Variants in CEP350 observed in about 807,000 individuals in gnomAD.
CEP350 encodes centrosome-associated protein 350.
CEP350 carries 126 observed loss-of-function variants against 331.8 expected under a neutral mutation model. That is an observed-to-expected ratio of 0.38 (90% CI 0.33 to 0.44). The LOEUF (loss-of-function observed/expected upper bound fraction) is 0.44. CEP350 is among the 20% of genes least tolerant of loss of function. The pLI, the probability that CEP350 is intolerant of heterozygous loss-of-function variation, is 1.00. For synonymous variants in CEP350, 1,200 were observed against 1,259.5 expected (o/e 0.95, Z 1.00); for missense variants, 3,406 against 3,634.6 (o/e 0.94, Z 1.62).
chr1:179,986,307 A>G (rs1325594302), intron 2 of CEP350, 53 bp downstream of exon 2: 3 of 1,320,006 alleles, frequency 2.3e-6, no homozygotes, highest in Non-Finnish European at 3.1e-6. Flanking sequence ...GGTCATGTGT[A>G]TTAAATTTTG....
chr1:180,075,549 G>A (rs1160680098), intron 28 of CEP350, among the ~76,000 whole-genome samples: 1 of 151,970 alleles, frequency 6.6e-6, no homozygotes, highest in Non-Finnish European at 1.5e-5. Context: ...CAGCCTGGGT[G>A]ACAGAGTGAG....
At position 179,996,594 on chromosome 1, in the gene CEP350, T is replaced by C; in HGVS notation, c.437T>C (p.Leu146Pro). Residue 146 changes from leucine to proline, a missense_variant, in exon 6 of 38, where the codon CTG (leucine) becomes CCG (proline). Coordinates refer to ENST00000367607, the MANE Select transcript of CEP350 (RefSeq NM_014810.5). ...GAPSNFSSSH[L>P]ESKHVYCVDV... ...CCTTCCAATTTCAGTTCCAGCCATC[T>C]GGAATCAAAGCACGTATACTGTGTA... 1 of 1,591,182 alleles carries C rather than the reference T, an allele frequency of 6.3e-7. No homozygotes were observed. Among genetic ancestry groups the C allele is most frequent in the Non-Finnish European group, 8.6e-7 (1 of 1,167,956 alleles).
chr1:179,975,188 G>C (rs1230799797), intron 1 of CEP350, among the ~76,000 whole-genome samples: 1 of 151,958 alleles, frequency 6.6e-6, no homozygotes, highest in Non-Finnish European at 1.5e-5. Flanking sequence ...AAATTTTCTG[G>C]ATATTCAGAA....
At chr1:180,035,902 A>G (rs1656318593) in intron 16 of CEP350, among the ~76,000 whole-genome samples, 1 of 152,224 alleles carries the variant, frequency 6.6e-6, no homozygotes, top group African/African-American at 2.4e-5. Context: ...TATAGCTGCC[A>G]TAGATAGTGA....
intron 11 of CEP350, 28 bp from the exon 12 acceptor site, chr1:180,019,921 A>G (rs1255350101): frequency 1.3e-6 from 2 of 1,531,000 alleles, no homozygotes; most frequent in Non-Finnish European, 1.7e-6. Context: ...GGTTTAGTTA[A>G]CTAACATATT....
At chr1:180,042,003 A>G (rs904964689) in intron 19 of CEP350, among the ~76,000 whole-genome samples, 4 of 152,168 alleles carry the variant, frequency 2.6e-5, no homozygotes, top group Non-Finnish European at 5.9e-5. Flanking sequence ...ATAGAGGCAG[A>G]AAAAAGATGA....
At chr1:180,009,567 T>C (rs956456155) in intron 8 of CEP350, among the ~76,000 whole-genome samples, 3 of 152,230 alleles carry the variant, frequency 2.0e-5, no homozygotes, top group Non-Finnish European at 4.4e-5. Flanking sequence ...AATGACCGTG[T>C]GTAACTGTTC....
At chr1:180,073,923 T>C in intron 27 of CEP350, 1 of 1,304,422 alleles carries the variant, frequency 7.7e-7, no homozygotes, top group Non-Finnish European at 1.0e-6. Flanking sequence ...CTTTGCACCT[T>C]TTTCAGTGCA....
chr1:179,967,126 G>T lies in CEP350; in HGVS notation c.-14+11984G>T, dbSNP rs190740695. On this transcript the variant is annotated intron_variant, in intron 1 of 37. Coordinates refer to ENST00000367607, the MANE Select transcript of CEP350 (RefSeq NM_014810.5). ...TACAATAGATCATCTCTGAAAATGTGTACAGTTGCTCTATTTTTGTATGAT... is the reference window on the plus strand; with the variant it reads ...TACAATAGATCATCTCTGAAAATGTTTACAGTTGCTCTATTTTTGTATGAT... 4.3e-4 allele frequency among the ~76,000 whole-genome samples: 66 copies of T among 152,300 alleles called. 1 individual carries two copies. Among genetic ancestry groups the T allele is most frequent in the African/African-American group, 1.5e-3 (61 of 41,554 alleles).
At chr1:180,036,841 T>G in intron 16 of CEP350, 85 bp from the exon 17 acceptor site, 1 of 1,390,168 alleles carries the variant, frequency 7.2e-7, no homozygotes, top group African/African-American at 1.5e-5. Flanking sequence ...GCAAAGTTGA[T>G]TTTGGCTCTT....
At chr1:179,967,035 G>A (rs73039999) in intron 1 of CEP350, among the ~76,000 whole-genome samples, 20,642 of 152,166 alleles carry the variant, frequency 0.14, 1,495 homozygotes, top group South Asian at 0.16. Context: ...GAGCAAAGAA[G>A]AGTTCATAAA....
chr1:180,080,473 A>G lies in CEP350; in HGVS notation c.5980-44A>G, dbSNP rs201087950. The G allele has an allele frequency of 5.1e-5, 80 of 1,567,506 alleles. 1 individual carries two copies. In the Middle Eastern group the frequency reaches 3.0e-3, roughly 59 times the overall value. ...GTCAAATTTTAAATAGAATTTTACA[A>G]TTATATCAAAAAATAGTTTCCATTT... On this transcript the variant is annotated intron_variant, in intron 29 of 37. Transcript: ENST00000367607.
intron 16 of CEP350, among the ~76,000 whole-genome samples, chr1:180,035,146 C>G (rs1283187875): frequency 1.3e-5 from 2 of 152,196 alleles, no homozygotes; most frequent in Admixed American, 6.5e-5. Context: ...AAAGCTTAAT[C>G]TAGAGCAAGA....
chr1:180,106,806 ATTT>A (rs61212527), intron 37 of CEP350, among the ~76,000 whole-genome samples: 18 of 145,878 alleles, frequency 1.2e-4, no homozygotes, highest in African/African-American at 1.8e-4. Context: ...ACAGTTTATG[ATTT>A]TTTTTTTTTT....
intron 1 of CEP350, among the ~76,000 whole-genome samples, chr1:179,966,714 CAGTT>C (rs1028357822): frequency 3.4e-4 from 52 of 152,282 alleles, no homozygotes; most frequent in African/African-American, 1.2e-3. Flanking sequence ...AGATCCAAGA[CAGTT>C]AGATACAGTT....
intron 8 of CEP350, among the ~76,000 whole-genome samples, chr1:180,011,544 C>T (rs146244397): frequency 6.6e-6 from 1 of 152,018 alleles, no homozygotes; most frequent in Non-Finnish European, 1.5e-5. Context: ...TGGGTTCAAG[C>T]GATTCTTGTG....
Position 180,021,025 on chromosome 1 carries a change from A to ATAGC in CEP350, c.3235+18_3235+21dup. Reference sequence around the variant, plus strand: ...TATGGAAAAGGTGAGAAAAATAAATATAGCTTGTACTGTTTGTATATTAAG... The same window carrying ATAGC: ...TATGGAAAAGGTGAGAAAAATAAATATAGCTAGCTTGTACTGTTTGTATATTAAG... On this transcript the variant is annotated intron_variant, in intron 12 of 37. Coordinates refer to ENST00000367607, the MANE Select transcript of CEP350 (RefSeq NM_014810.5). 1 of 1,477,132 alleles carries ATAGC rather than the reference A, an allele frequency of 6.8e-7. No individual in the cohort carries two copies. The highest frequency in any genetic ancestry group is 1.4e-5 in the African/African-American group (1 of 70,266). The allele number at this position is 1,477,132 out of a possible 1,614,324, so 91.5% of individuals were successfully genotyped here.
chr1:180,070,191 A>G (rs1401564161), intron 27 of CEP350, among the ~76,000 whole-genome samples: 2 of 152,252 alleles, frequency 1.3e-5, no homozygotes, highest in African/African-American at 4.8e-5. Flanking sequence ...GCACAGTAAC[A>G]TCCTAAACAA....
chr1:180,021,731 A>G (rs1359263246), intron 12 of CEP350, among the ~76,000 whole-genome samples: 3 of 152,226 alleles, frequency 2.0e-5, no homozygotes, highest in Non-Finnish European at 4.4e-5. Context: ...ATAGCAATCA[A>G]GAATTGAGAG....
Sources: allele counts gnomAD v4.1 joint callset (sites outside exome capture counted in the v4.1 genomes callset), GRCh38; gene constraint gnomAD v4.1.1; transcripts MANE v1.5; gene names NCBI Gene and HGNC (gene_info 2026-07-23, HGNC 2026-07-21).